GPR107: variants seen among roughly 807,000 people sequenced by gnomAD.
GPR107 encodes the protein protein GPR107.
Under a neutral mutation model 75.5 loss-of-function variants are expected in GPR107, and 31 were observed. That is an observed-to-expected ratio of 0.41 (90% CI 0.31 to 0.55). The LOEUF (loss-of-function observed/expected upper bound fraction) is 0.55. Ranked by LOEUF, GPR107 falls within the 20% of genes least tolerant of loss-of-function variation. The pLI is 0.26. For missense variants in GPR107, 572 were observed against 665.7 expected (o/e 0.86, Z 1.55); for synonymous variants, 267 against 251.3 (o/e 1.06, Z -0.59).
chr9:130,101,045 C>G lies in GPR107; in HGVS notation c.1014-61C>G. 12 of 945,410 alleles carry G rather than the reference C, an allele frequency of 1.3e-5. No individual in the cohort carries two copies. The South Asian group carries it at 1.4e-4, about 11-fold the overall frequency. The allele number at this position is 945,410 out of a possible 1,614,324, so 58.6% of individuals were successfully genotyped here. A position where few individuals can be genotyped will look rare whatever the true frequency, so the allele number is the denominator to read the frequency against. ...GAACTCATAGAATGAGCTATGCAAT[C>G]TAACTGGCAGTGAGAGTCTAAAGAG... On this transcript the variant is annotated intron_variant, in intron 11 of 17. Transcript: ENST00000347136.
intron 15 of GPR107, among the ~76,000 whole-genome samples, chr9:130,127,003 A>T (rs891890177): frequency 3.3e-5 from 5 of 152,200 alleles, no homozygotes; most frequent in African/African-American, 1.2e-4. Flanking sequence ...CTTGCTAGAG[A>T]ACTTGGTAGT....
intron 1 of GPR107, among the ~76,000 whole-genome samples, chr9:130,072,736 A>G (rs1266344171): frequency 6.6e-6 from 1 of 152,102 alleles, no homozygotes; most frequent in Non-Finnish European, 1.5e-5. Context: ...GGGAACTGCT[A>G]TCAGGTTGCA....
chr9:130,086,278 TG>T, intron 6 of GPR107, 141 bp from the exon 7 acceptor site: 1 of 631,722 alleles, frequency 1.6e-6, no homozygotes. Context: ...AAAGGATAGT[TG>T]GTTTTATTTT....
At chr9:130,128,806 C>A in intron 17 of GPR107, 45 bp downstream of exon 17, 2 of 1,595,042 alleles carry the variant, frequency 1.3e-6, no homozygotes, top group Non-Finnish European at 1.7e-6. Context: ...ACCCCTTTGC[C>A]TAACACAAAG....
Position 130,104,515 on chromosome 9 carries a change from G to C in GPR107, c.1227G>C (p.Leu409=). 1.2e-6 allele frequency: 2 copies of C among 1,613,882 alleles called. No individual in the cohort carries two copies. The highest frequency in any genetic ancestry group is 2.2e-5 in the South Asian group (2 of 91,076). ...LWKDSLFLVD[L]LCCGAILFPV... ...AGGACTCTCTATTTCTGGTCGACCTGTTGTGTTGTGGTGCCATCCTCTTCC... is the reference window on the plus strand; with the variant it reads ...AGGACTCTCTATTTCTGGTCGACCTCTTGTGTTGTGGTGCCATCCTCTTCC... The change falls in exon 13 of 18, where the codon CTG becomes CTC. Residue 409 remains leucine (L), a synonymous_variant. Transcript: ENST00000347136.
At chr9:130,073,950 G>T (rs1433435244) in intron 1 of GPR107, among the ~76,000 whole-genome samples, 1 of 152,186 alleles carries the variant, frequency 6.6e-6, no homozygotes, top group African/African-American at 2.4e-5. Context: ...TAGAGACAGG[G>T]TTTCCCATTT....
At chr9:130,132,667 A>C (rs1554899292) in intron 17 of GPR107, among the ~76,000 whole-genome samples, 1 of 152,052 alleles carries the variant, frequency 6.6e-6, no homozygotes. Context: ...TGTACCTATA[A>C]TCCAGGTACT....
At chr9:130,133,691 T>C (rs1415020217) in intron 17 of GPR107, among the ~76,000 whole-genome samples, 1 of 152,212 alleles carries the variant, frequency 6.6e-6, no homozygotes, top group East Asian at 1.9e-4. Context: ...TGAGGCATTT[T>C]CGTCTTAGGG....
chr9:130,086,523 T>C (rs936259892), intron 7 of GPR107, 47 bp downstream of exon 7: 1 of 1,078,484 alleles, frequency 9.3e-7, no homozygotes, highest in African/African-American at 1.6e-5. Flanking sequence ...CTCTCTACCA[T>C]GTAAAAGGGT....
chr9:130,062,420 G>GATAATA (rs10578697), intron 1 of GPR107, among the ~76,000 whole-genome samples: 29,887 of 139,622 alleles, frequency 0.21, 3,264 homozygotes, highest in Admixed American at 0.27. Context: ...TCTCGAAAAT[G>GATAATA]ATAATAATAA....
chr9:130,099,384 T>G, intron 9 of GPR107, 73 bp from the exon 10 acceptor site: 1 of 829,492 alleles, frequency 1.2e-6, no homozygotes, highest in South Asian at 1.4e-5. Flanking sequence ...TAAATATAGC[T>G]AATGTCTGGA....
intron 6 of GPR107, among the ~76,000 whole-genome samples, chr9:130,085,308 G>A (rs1481693934): frequency 3.3e-5 from 5 of 152,102 alleles, no homozygotes; most frequent in Non-Finnish European, 5.9e-5. Flanking sequence ...GTCATGGGAG[G>A]GAAAGAGAGG....
chr9:130,092,690 G>A (rs780052127), intron 9 of GPR107, among the ~76,000 whole-genome samples: 49 of 151,560 alleles, frequency 3.2e-4, no homozygotes, highest in Admixed American at 2.5e-3. Context: ...ATCTCAGCTC[G>A]CTGCAAGCTC....
chr9:130,105,637 T>G (rs1831139247), intron 13 of GPR107, among the ~76,000 whole-genome samples: 1 of 152,198 alleles, frequency 6.6e-6, no homozygotes, highest in Non-Finnish European at 1.5e-5. Context: ...CTCTCATTAT[T>G]TATAACATGG....
rs775780211 is a variant in GPR107 at position 130,083,591 on chromosome 9, G to A, written c.553G>A (p.Val185Met). The A allele has an allele frequency of 4.6e-6, 7 of 1,528,306 alleles. No homozygotes were observed. In the African/African-American group the frequency reaches 8.6e-5, roughly 19 times the overall value. The allele number at this position is 1,528,306 out of a possible 1,614,324, so 94.7% of individuals were successfully genotyped here. A position where few individuals can be genotyped will look rare whatever the true frequency, so the allele number is the denominator to read the frequency against. ...QDGGKSKRST[V>M]DSKAMGEKSF... ...TGGTGGAAAGTCTAAAAGAAGTACA[G>A]TGGATTCAAAGGTAAGAACTAACCA... Residue 185 changes from valine (V) to methionine (M), a missense_variant, in exon 6 of 18, where the codon GTG becomes ATG. Val to Met is a conservative substitution (Grantham distance 21, BLOSUM62 1). Coordinates refer to ENST00000347136, the MANE Select transcript of GPR107 (RefSeq NM_020960.5).
chr9:130,116,933 G>T (rs1372974713), intron 14 of GPR107, among the ~76,000 whole-genome samples: 2 of 141,184 alleles, frequency 1.4e-5, no homozygotes, highest in Non-Finnish European at 3.0e-5. Context: ...TGCTTCAAAT[G>T]TATATTTGAA....
At chr9:130,064,994 T>C (rs565425148) in intron 1 of GPR107, among the ~76,000 whole-genome samples, 3 of 152,300 alleles carry the variant, frequency 2.0e-5, no homozygotes, top group African/African-American at 7.2e-5. Context: ...GAGAACAAAC[T>C]TCTGTGGTTG....
intron 1 of GPR107, among the ~76,000 whole-genome samples, chr9:130,058,393 C>G (rs985656721): frequency 3.3e-5 from 5 of 152,088 alleles, no homozygotes; most frequent in African/African-American, 1.2e-4. Context: ...AGCCACTAAT[C>G]TACTTTCTGT....
At chr9:130,085,754 A>ATTTTTTTTTGTTTTTTTTTTTTTTTTTT (rs1830598819) in intron 6 of GPR107, among the ~76,000 whole-genome samples, 1 of 78,674 alleles carries the variant, frequency 1.3e-5, no homozygotes, top group Admixed American at 1.7e-4. Flanking sequence ...CAATATTTTG[A>ATTTTTTTTTGTTTTTTTTTTTTTTTTTT]TTTTTTTTTT....
Sources: gnomAD v4.1 joint callset for allele counts (sites outside exome capture counted in the v4.1 genomes callset) on GRCh38, gnomAD v4.1.1 for gene constraint, MANE v1.5 for transcripts, NCBI Gene and HGNC (gene_info 2026-07-23, HGNC 2026-07-21) for gene names.